TRAPPC9: variants seen among roughly 807,000 people sequenced by gnomAD.
TRAPPC9 encodes the protein trafficking protein particle complex subunit 9, also known as IKK2 binding protein.
In TRAPPC9, 83 loss-of-function variants were observed where a neutral mutation model predicts 124.0. That is an observed-to-expected ratio of 0.67 (90% CI 0.56 to 0.80). TRAPPC9 has a LOEUF of 0.80. TRAPPC9 is among the 30% of genes least tolerant of loss of function. The pLI is 0.00. For missense variants in TRAPPC9, 1,302 were observed against 1,508.3 expected (o/e 0.86, Z 2.27); for synonymous variants, 638 against 617.5 (o/e 1.03, Z -0.49).
chr8:139,831,595 C>T lies in TRAPPC9; in HGVS notation c.3055+54284G>A, dbSNP rs117259748. Among the ~76,000 whole-genome samples the T allele has an allele frequency of 9.2e-4, 140 of 152,254 alleles. 1 individual carries two copies. The East Asian group carries it at 0.026, about 28-fold the overall frequency. On this transcript the variant is annotated intron_variant, in intron 21 of 22. Transcript: ENST00000438773. Reference sequence around the variant, plus strand: ...GGACTCCTACCCAAGCTCCCCACCCCGCTGGGTGCCCCACAGCCTGTGGGA... The same window carrying T: ...GGACTCCTACCCAAGCTCCCCACCCTGCTGGGTGCCCCACAGCCTGTGGGA...
rs1372526552 is a variant in TRAPPC9 at position 140,097,950 on chromosome 8, A to T, written c.2557-73871T>A. ...GAAGGATAAGGATGCCCACCAACAT[A>T]CGCAGTCGCACCCTTGCCGCAGTCC... On this transcript the variant is annotated intron_variant, in intron 17 of 22. Coordinates refer to ENST00000438773, the MANE Select transcript of TRAPPC9 (RefSeq NM_001160372.4). The surrounding 1 kb of genome is among the most constrained non-coding windows in gnomAD (Gnocchi z 4.2). The T allele has an allele frequency of 6.6e-6, 1 of 152,266 alleles. No individual in the cohort carries two copies. The highest frequency in any genetic ancestry group is 2.4e-5 in the African/African-American group (1 of 41,424). The allele number at this position is 152,266 out of a possible 1,614,324, so 9.4% of individuals were successfully genotyped here.
At position 139,989,802 on chromosome 8, in the gene TRAPPC9, C is replaced by T. The variant is rs149966640; in HGVS notation, c.2700-966G>A. 1.8e-3 allele frequency among the ~76,000 whole-genome samples: 281 copies of T among 152,322 alleles called. 4 individuals are homozygous for T. The highest frequency in any genetic ancestry group is 0.011 in the South Asian group (51 of 4,828). On this transcript the variant is annotated intron_variant, in intron 18 of 22. Transcript: ENST00000438773. Reference sequence around the variant, plus strand: ...TGGAAAAGTCCAGCCCCAAACGCGCCGTCCGTGTCCGTCACCATCTGATAG... The same window carrying T: ...TGGAAAAGTCCAGCCCCAAACGCGCTGTCCGTGTCCGTCACCATCTGATAG...
chr8:140,064,495 G>C (rs1402428214), intron 17 of TRAPPC9, among the ~76,000 whole-genome samples: 2 of 152,164 alleles, frequency 1.3e-5, no homozygotes, highest in Non-Finnish European at 2.9e-5. Context: ...TTGCATGCCA[G>C]ACCCAGAGCT....
intron 19 of TRAPPC9, chr8:139,932,303 C>T: frequency 2.2e-6 from 1 of 457,776 alleles, no homozygotes; most frequent in Non-Finnish European, 4.4e-6. Context: ...AATGTCCCCA[C>T]CTCGTGGATG....
chr8:139,965,764 G>A (rs868954131), intron 19 of TRAPPC9, among the ~76,000 whole-genome samples: 11 of 152,246 alleles, frequency 7.2e-5, no homozygotes, highest in East Asian at 1.9e-4. Context: ...CGCATCACAC[G>A]GGGGAGAGAA....
chr8:140,153,665 A>G (rs1180076841), intron 17 of TRAPPC9, among the ~76,000 whole-genome samples: 3 of 152,242 alleles, frequency 2.0e-5, no homozygotes, highest in Non-Finnish European at 4.4e-5. Context: ...ATGAATGAAT[A>G]AATGAATGAC....
intron 14 of TRAPPC9, among the ~76,000 whole-genome samples, chr8:140,283,294 C>CCTT (rs1554660339): frequency 2.1e-5 from 2 of 97,228 alleles, no homozygotes; most frequent in Non-Finnish European, 3.7e-5. Context: ...ATTAAAATTC[C>CCTT]TTTTTTTTTT....
chr8:140,291,806 G>A (rs2065668940), intron 11 of TRAPPC9, among the ~76,000 whole-genome samples: 1 of 152,230 alleles, frequency 6.6e-6, no homozygotes, highest in East Asian at 1.9e-4. Flanking sequence ...GCCTGTGGAG[G>A]GGACCACATG....
intron 19 of TRAPPC9, among the ~76,000 whole-genome samples, chr8:139,976,715 C>G (rs895069983): frequency 5.3e-5 from 8 of 152,246 alleles, no homozygotes; most frequent in Non-Finnish European, 7.3e-5. Flanking sequence ...CAGGCCAAGA[C>G]GTACATGAAG....
At chr8:140,300,373 G>A in intron 11 of TRAPPC9, 96 bp downstream of exon 11, 1 of 1,522,016 alleles carries the variant, frequency 6.6e-7, no homozygotes, top group South Asian at 1.1e-5. Flanking sequence ...ACATGCACAT[G>A]CATGAACTGG....
chr8:140,008,055 G>C (rs1304500388), intron 18 of TRAPPC9, among the ~76,000 whole-genome samples: 1 of 152,162 alleles, frequency 6.6e-6, no homozygotes, highest in Non-Finnish European at 1.5e-5. Context: ...CCGTGTGAAG[G>C]CTGGGTGCCA....
At chr8:139,805,961 T>C (rs1011234952) in intron 21 of TRAPPC9, among the ~76,000 whole-genome samples, 1 of 152,216 alleles carries the variant, frequency 6.6e-6, no homozygotes, top group Non-Finnish European at 1.5e-5. Flanking sequence ...TAATGATGCC[T>C]TCAGAGGCAG....
At chr8:140,433,199 C>G (rs58713024) in intron 4 of TRAPPC9, among the ~76,000 whole-genome samples, 1 of 150,392 alleles carries the variant, frequency 6.6e-6, no homozygotes, top group African/African-American at 2.4e-5. Context: ...GGCTGAGACA[C>G]AAGAATCACT....
chr8:139,934,719 C>T (rs1833404236), intron 19 of TRAPPC9, among the ~76,000 whole-genome samples: 1 of 152,206 alleles, frequency 6.6e-6, no homozygotes, highest in Non-Finnish European at 1.5e-5. Flanking sequence ...GCGCGCCCTT[C>T]TGATCTTGCA....
At chr8:139,738,030 T>C (rs1361628821) in intron 21 of TRAPPC9, among the ~76,000 whole-genome samples, 1 of 152,170 alleles carries the variant, frequency 6.6e-6, no homozygotes, top group Non-Finnish European at 1.5e-5. Context: ...GGCAGGTCCT[T>C]CCAGCTTCTC....
chr8:140,142,050 G>T (rs1485566568), intron 17 of TRAPPC9, among the ~76,000 whole-genome samples: 1 of 152,176 alleles, frequency 6.6e-6, no homozygotes, highest in Non-Finnish European at 1.5e-5. Context: ...CTGCCTCCAA[G>T]AATAGCATCA....
In TRAPPC9 at chr8:140,368,469, C is replaced by A. The variant is rs185446061; in HGVS notation, c.1351+2495G>T. ...CCAGAGAGGCAGGATATCTTAGGCTCTAAAGACAAAAACCCATAAAAACTG... is the reference window on the plus strand; with the variant it reads ...CCAGAGAGGCAGGATATCTTAGGCTATAAAGACAAAAACCCATAAAAACTG... On this transcript the variant is annotated intron_variant, in intron 8 of 22. Transcript: ENST00000438773. Among the ~76,000 whole-genome samples, 596 of 152,214 alleles carry A rather than the reference C, an allele frequency of 3.9e-3. 3 individuals carry two copies. Among genetic ancestry groups the A allele is most frequent in the Non-Finnish European group, 6.2e-3 (420 of 68,022 alleles).
chr8:140,089,273 C>A (rs866040840), intron 17 of TRAPPC9, among the ~76,000 whole-genome samples: 1 of 152,140 alleles, frequency 6.6e-6, no homozygotes, highest in Non-Finnish European at 1.5e-5. Flanking sequence ...CTCTTCTATC[C>A]GCACGAATGT....
At chr8:140,211,607 A>G (rs2063064076) in intron 17 of TRAPPC9, among the ~76,000 whole-genome samples, 1 of 152,226 alleles carries the variant, frequency 6.6e-6, no homozygotes, top group East Asian at 1.9e-4. Flanking sequence ...ACATCCCACA[A>G]TTCTTTATTT....
Sources: gnomAD v4.1 joint callset for allele counts (sites outside exome capture counted in the v4.1 genomes callset) on GRCh38, gnomAD v4.1.1 for gene constraint, Gnocchi (gnomAD v3.1) non-coding constraint, MANE v1.5 for transcripts, NCBI Gene and HGNC (gene_info 2026-07-23, HGNC 2026-07-21) for gene names.